CSRNP1: variants seen among roughly 807,000 people sequenced by gnomAD.
CSRNP1 encodes the protein cysteine/serine-rich nuclear protein 1.
In CSRNP1, 8 loss-of-function variants were observed where a neutral mutation model predicts 25.0. The ratio of observed to expected loss-of-function variants is 0.32; its 90% CI spans 0.19 to 0.58. The LOEUF (loss-of-function observed/expected upper bound fraction) is 0.58, where lower values mean the gene tolerates loss of function less well. Among genes scored for constraint, CSRNP1 ranks in the 20% least tolerant of loss-of-function variants. The pLI, the probability that CSRNP1 is intolerant of heterozygous loss-of-function variation, is 0.88. For missense variants in CSRNP1, 691 were observed against 773.1 expected, an observed-to-expected ratio of 0.89 and a Z score of 1.26; for synonymous variants, 305 against 303.1, an observed-to-expected ratio of 1.01 and a Z score of -0.06.
At position 39,143,699 on chromosome 3, in the gene CSRNP1, C is replaced by G. The variant is rs762753339; in HGVS notation, c.1126G>C (p.Gly376Arg). The G allele has an allele frequency of 6.2e-7, 1 of 1,614,212 alleles. No homozygotes were observed. Among genetic ancestry groups the G allele is most frequent in the Non-Finnish European group, 8.5e-7 (1 of 1,180,038 alleles). ...SEAPDCPTHP[G>R]LPGPGFQPGV... ...GGCTGGAAGCCAGGGCCAGGCAGGC[C>G]TGGGTGGGTGGGGCAGTCAGGAGCC... is the stretch of plus-strand genomic sequence containing the variant. Residue 376 changes from glycine to arginine, a missense_variant, in exon 5 of 5, where the codon GGC (glycine) becomes CGC (arginine). By Grantham distance (125) the Gly-to-Arg change is moderately radical. Transcript: ENST00000273153.
intron 1 of CSRNP1, chr3:39,151,982 A>G: frequency 6.6e-6 from 1 of 152,466 alleles, no homozygotes; most frequent in East Asian, 1.9e-4. Context: ...CATTCAACAA[A>G]TACACACTAA....
At chr3:39,146,365 C>A in intron 2 of CSRNP1, 113 bp downstream of exon 2, 1 of 1,317,716 alleles carries the variant, frequency 7.6e-7, no homozygotes, top group South Asian at 1.5e-5. Context: ...ATGAGAGCTA[C>A]CGCCATGGGG....
chr3:39,152,322 A>T (rs62242359), intron 1 of CSRNP1: 21,234 of 152,558 alleles, frequency 0.14, 1,905 homozygotes, highest in Non-Finnish European at 0.19. Flanking sequence ...GGCAAGCCAC[A>T]GAAGGCTTAA....
rs200920696 is a variant in CSRNP1, at chr3:39,144,255, C to T, written c.662G>A (p.Arg221Gln). 53 of 1,614,174 alleles carry T rather than the reference C, an allele frequency of 3.3e-5. No individual in the cohort carries two copies. The highest frequency in any genetic ancestry group is 8.9e-5 in the East Asian group (4 of 44,872). ...TGCCTGCAGCTCCCGCTTCTCCTCC[C>T]GATCGATCCTTCGCACACCTGAAGC... ...LRASGVRRIDREEKRELQALR... is the reference protein window; with the variant it reads ...LRASGVRRIDQEEKRELQALR... The change falls in exon 4 of 5, where the codon CGG (arginine) becomes CAG (glutamine). Residue 221 changes from arginine (R) to glutamine (Q), a missense_variant. Physicochemically the swap from Arg to Gln is conservative, Grantham distance 43. Coordinates refer to ENST00000273153, the MANE Select transcript of CSRNP1 (RefSeq NM_033027.4).
chr3:39,148,123 CT>C (rs2039542123), intron 1 of CSRNP1, among the ~76,000 whole-genome samples: 1 of 152,152 alleles, frequency 6.6e-6, no homozygotes, highest in South Asian at 2.1e-4. Flanking sequence ...ACAGCCTCCC[CT>C]AGGCAAGCGT....
chr3:39,143,758 G>A lies in CSRNP1; in HGVS notation c.1067C>T (p.Ser356Phe), dbSNP rs144215660. The A allele has an allele frequency of 1.9e-6, 3 of 1,613,990 alleles. No individual in the cohort carries two copies. In the African/African-American group the frequency reaches 4.0e-5, roughly 22 times the overall value. ...NSCSSDMTDSSTASSSASGTS... is the reference protein window; with the variant it reads ...NSCSSDMTDSFTASSSASGTS... Reference sequence around the variant, plus strand: ...GCCCGATGCTGATGAAGATGCTGTAGAAGAATCAGTCATGTCGCTGCTGCA... The same window carrying A: ...GCCCGATGCTGATGAAGATGCTGTAAAAGAATCAGTCATGTCGCTGCTGCA... The change falls in exon 5 of 5, where the codon TCT (serine) becomes TTT (phenylalanine). Residue 356 changes from serine to phenylalanine, a missense_variant. By Grantham distance (155) the Ser-to-Phe change is radical. Coordinates refer to ENST00000273153, the MANE Select transcript of CSRNP1 (RefSeq NM_033027.4).
Position 39,146,704 on chromosome 3 carries a change from G to C in CSRNP1, c.-22C>G. 1 of 1,553,568 alleles carries C rather than the reference G, an allele frequency of 6.4e-7. No individual in the cohort carries two copies. The highest frequency in any genetic ancestry group is 1.7e-4 in the Middle Eastern group (1 of 5,808). On this transcript the variant is annotated 5_prime_UTR_variant, in exon 2 of 5. Coordinates refer to ENST00000273153, the MANE Select transcript of CSRNP1 (RefSeq NM_033027.4). The stretch of plus-strand genomic sequence containing the variant: ...TCATGGTGGTGCCGGACGTGCTCTG[G>C]GGTCTGGGGACAGACAGCCTGGAAT...
At position 39,143,257 on chromosome 3, in the gene CSRNP1, T is replaced by C; in HGVS notation, c.1568A>G (p.Gln523Arg). ...DYSLGPHYTS[Q>R]KVSDSLDNIE... is the part of the protein sequence containing the mutation. Reference sequence around the variant, plus strand: ...GTTGTCCAGGCTGTCAGACACCTTCTGTGATGTGTAGTGAGGCCCCAGACT... The same window carrying C: ...GTTGTCCAGGCTGTCAGACACCTTCCGTGATGTGTAGTGAGGCCCCAGACT... The change falls in exon 5 of 5, where the codon CAG becomes CGG. Residue 523 changes from glutamine to arginine, a missense_variant. Transcript: ENST00000273153. The C allele has an allele frequency of 6.2e-7, 1 of 1,614,198 alleles. No homozygotes were observed. Among genetic ancestry groups the C allele is most frequent in the Non-Finnish European group, 8.5e-7 (1 of 1,180,038 alleles).
rs536835334 is a variant in CSRNP1, at chr3:39,144,973, C to T, written c.465+24G>A. 807 of 1,578,788 alleles carry T rather than the reference C, an allele frequency of 5.1e-4. 6 individuals carry two copies. In the South Asian group the frequency reaches 8.5e-3, roughly 17 times the overall value. On this transcript the variant is annotated intron_variant, in intron 3 of 4. Transcript: ENST00000273153. Reference sequence around the variant, plus strand: ...ACTCCAGGAGCTGCCTCAGGAGGTGCGCCACGGAGAGGACTCTCTCTACCT... The same window carrying T: ...ACTCCAGGAGCTGCCTCAGGAGGTGTGCCACGGAGAGGACTCTCTCTACCT...
At position 39,143,791 on chromosome 3, in the gene CSRNP1, T is replaced by A. The variant is rs1368273847; in HGVS notation, c.1034A>T (p.Asp345Val). 1 of 1,614,004 alleles carries A rather than the reference T, an allele frequency of 6.2e-7. No individual in the cohort carries two copies. The highest frequency in any genetic ancestry group is 8.5e-7 in the Non-Finnish European group (1 of 1,179,944). ...AGTCATGTCGCTGCTGCAGCTGTTG[T>A]CTCCCAGCTCATTGTTCATGGGGGG... ...AKPPMNNELG[D>V]NSCSSDMTDS... The change falls in exon 5 of 5, where the codon GAC becomes GTC. Residue 345 changes from aspartate to valine, a missense_variant. Coordinates refer to ENST00000273153, the MANE Select transcript of CSRNP1 (RefSeq NM_033027.4).
chr3:39,144,579 T>C (rs1467125307), intron 3 of CSRNP1, 128 bp from the exon 4 acceptor site: 2 of 906,702 alleles, frequency 2.2e-6, no homozygotes, highest in African/African-American at 1.7e-5. Context: ...CGATGGGCAC[T>C]GTGTGTCAGA....
chr3:39,143,244 G>A lies in CSRNP1; in HGVS notation c.1581C>T (p.Asp527=). ...GPHYTSQKVS[D]SLDNIEAPHF... is the part of the protein sequence containing the mutation. Reference sequence around the variant, plus strand: ...GAGGTGCCTCGATGTTGTCCAGGCTGTCAGACACCTTCTGTGATGTGTAGT... The same window carrying A: ...GAGGTGCCTCGATGTTGTCCAGGCTATCAGACACCTTCTGTGATGTGTAGT... The change falls in exon 5 of 5, where the codon GAC becomes GAT. Residue 527 remains aspartate, a synonymous_variant. Transcript: ENST00000273153. 1.2e-6 allele frequency: 2 copies of A among 1,614,230 alleles called. No homozygotes were observed. Among genetic ancestry groups the A allele is most frequent in the South Asian group, 1.1e-5 (1 of 91,086 alleles).
Position 39,144,044 on chromosome 3 carries a change from T to C in CSRNP1, c.781A>G (p.Met261Val). The C allele has an allele frequency of 1.1e-5, 17 of 1,610,672 alleles. No homozygotes were observed. Among genetic ancestry groups the C allele is most frequent in the Non-Finnish European group, 1.4e-5 (17 of 1,179,302 alleles). ...CCACAGGGGAATGCTGTGTGGTCCA[T>C]CTGCAGAGAAAAGTAGAGGTACAAG... Reference protein sequence around the residue: ...SCSLAGIKCQMDHTAFPCGCC... With the variant: ...SCSLAGIKCQVDHTAFPCGCC... The change falls in exon 5 of 5, where the codon ATG becomes GTG. Residue 261 changes from methionine to valine, a missense_variant and splice_region_variant. Physicochemically the swap from Met to Val is conservative, Grantham distance 21. Transcript: ENST00000273153.
chr3:39,146,198 G>A (rs1412042186), intron 2 of CSRNP1, among the ~76,000 whole-genome samples: 6 of 152,170 alleles, frequency 3.9e-5, no homozygotes, highest in Non-Finnish European at 8.8e-5. Context: ...TTGGAGAAAC[G>A]AAACTGGAAC....
chr3:39,146,450 T>TG, intron 2 of CSRNP1, 28 bp downstream of exon 2: 1 of 1,495,744 alleles, frequency 6.7e-7, no homozygotes, highest in Non-Finnish European at 8.9e-7. Context: ...AGGCAGGTGA[T>TG]GGAGTTCCCA....
chr3:39,151,575 C>G (rs2039582154), intron 1 of CSRNP1: 1 of 152,522 alleles, frequency 6.6e-6, no homozygotes, highest in Admixed American at 6.5e-5. Flanking sequence ...GCCTCCATCC[C>G]CCTTCAGGAA....
At chr3:39,147,150 C>T (rs1398999896) in intron 1 of CSRNP1, among the ~76,000 whole-genome samples, 2 of 152,100 alleles carry the variant, frequency 1.3e-5, no homozygotes, top group Non-Finnish European at 2.9e-5. Context: ...ACTCATTCCC[C>T]GACAGGAATC....
chr3:39,143,945 T>C lies in CSRNP1; in HGVS notation c.880A>G (p.Ile294Val). ...AACTGCAGGCGGGTGAGTGTGTGGATGAAATGGGTCTGAACTCTTGCCTGA... is the reference window on the plus strand; with the variant it reads ...AACTGCAGGCGGGTGAGTGTGTGGACGAAATGGGTCTGAACTCTTGCCTGA... ...FNQARVQTHF[I>V]HTLTRLQLEQ... The change falls in exon 5 of 5, where the codon ATC (isoleucine) becomes GTC (valine). Residue 294 changes from isoleucine (I) to valine (V), a missense_variant. By Grantham distance (29) the Ile-to-Val change is conservative. Transcript: ENST00000273153. 2 of 1,614,052 alleles carry C rather than the reference T, an allele frequency of 1.2e-6. No individual in the cohort carries two copies. The highest frequency in any genetic ancestry group is 1.1e-5 in the South Asian group (1 of 91,090).
intron 2 of CSRNP1, among the ~76,000 whole-genome samples, chr3:39,145,996 C>T (rs1448552812): frequency 6.6e-6 from 1 of 152,162 alleles, no homozygotes; most frequent in African/African-American, 2.4e-5. Flanking sequence ...TGCTCTAGGG[C>T]CATGTTCATC....
Sources: gnomAD v4.1 joint callset for allele counts (sites outside exome capture counted in the v4.1 genomes callset) on GRCh38, gnomAD v4.1.1 for gene constraint, MANE v1.5 for transcripts, NCBI Gene and HGNC (gene_info 2026-07-23, HGNC 2026-07-21) for gene names.